The following FXYD7 variants were observed in gnomAD, a reference collection of about 807,000 sequenced individuals.
FXYD7 encodes the protein FXYD domain-containing ion transport regulator 7.
In FXYD7, 7 loss-of-function variants were observed where a neutral mutation model predicts 15.3. The observed-to-expected ratio is 0.46, with a 90% CI of 0.26 to 0.86. FXYD7 has a LOEUF of 0.86. Ranked by LOEUF, FXYD7 falls within the 40% of genes least tolerant of loss-of-function variation. The pLI is 0.16. For missense variants in FXYD7, 78 were observed against 100.6 expected (o/e 0.78, Z 0.96); for synonymous variants, 39 against 39.3 (o/e 0.99, Z 0.03).
chr19:35,145,721 AT>A (rs1368089191), intron 1 of FXYD7, among the ~76,000 whole-genome samples: 1 of 152,194 alleles, frequency 6.6e-6, no homozygotes, highest in East Asian at 1.9e-4. Flanking sequence ...TTTTTGCTTT[AT>A]TCAAATATTC....
chr19:35,154,210 C>A lies in FXYD7; in HGVS notation c.*294C>A. 2 of 531,738 alleles carry A rather than the reference C, an allele frequency of 3.8e-6. No homozygotes were observed. Among genetic ancestry groups the A allele is most frequent in the Non-Finnish European group, 6.7e-6 (2 of 300,222 alleles). The allele number at this position is 531,738 out of a possible 1,614,324, so 32.9% of individuals were successfully genotyped here. A position where few individuals can be genotyped will look rare whatever the true frequency, so the allele number is the denominator to read the frequency against. On this transcript the variant is annotated 3_prime_UTR_variant, in exon 6 of 6. Coordinates refer to ENST00000270310, the MANE Select transcript of FXYD7 (RefSeq NM_022006.2). The stretch of plus-strand genomic sequence containing the variant: ...AGCATCCCCGTGTATGGCCCCCCTG[C>A]ACCTCCTTGTCTCATCCCCGAAGAT...
chr19:35,148,790 G>T (rs1292834825), intron 2 of FXYD7, 67 bp downstream of exon 2: 1 of 1,392,094 alleles, frequency 7.2e-7, no homozygotes, highest in Non-Finnish European at 1.0e-6. Context: ...GATCACTCCG[G>T]ACATGGCTTC....
chr19:35,149,765 C>G (rs1442070248), intron 2 of FXYD7: 1 of 152,186 alleles, frequency 6.6e-6, no homozygotes, highest in Non-Finnish European at 1.5e-5. Context: ...GGGACAGATA[C>G]TCAAGAAAAC....
At chr19:35,148,008 G>A (rs939092691) in intron 1 of FXYD7, among the ~76,000 whole-genome samples, 1 of 126,902 alleles carries the variant, frequency 7.9e-6, no homozygotes, top group Admixed American at 8.7e-5. Flanking sequence ...AAGAAAGAAG[G>A]AAAGAAAGAA....
intron 2 of FXYD7, among the ~76,000 whole-genome samples, chr19:35,150,810 C>T (rs530517267): frequency 2.6e-5 from 4 of 151,896 alleles, no homozygotes; most frequent in Admixed American, 1.3e-4. Flanking sequence ...GGGCAATGGG[C>T]GGGAGGAGGG....
At chr19:35,149,346 T>C (rs531679726) in intron 2 of FXYD7, 14 of 322,864 alleles carry the variant, frequency 4.3e-5, no homozygotes, top group South Asian at 3.7e-4. Flanking sequence ...GCGTGTGCTA[T>C]GATTCTGCAG....
intron 2 of FXYD7, 99 bp from the exon 3 acceptor site, chr19:35,151,155 G>A (rs112917342): frequency 1.4e-4 from 113 of 805,428 alleles, no homozygotes; most frequent in African/African-American, 5.9e-4. Flanking sequence ...CTCCCTGGGC[G>A]ATTCTGGGTT....
intron 2 of FXYD7, 130 bp from the exon 3 acceptor site, chr19:35,151,124 G>C: frequency 1.4e-6 from 1 of 738,306 alleles, no homozygotes. Context: ...CCCTGAAGGA[G>C]TGTCCAGCAC....
chr19:35,147,992 CAAAA>C (rs946458407), intron 1 of FXYD7, among the ~76,000 whole-genome samples: 3 of 117,956 alleles, frequency 2.5e-5, no homozygotes, highest in African/African-American at 9.9e-5. Flanking sequence ...GGCCCTGTCT[CAAAA>C]AAAGAAAGAA....
intron 2 of FXYD7, 144 bp downstream of exon 2, chr19:35,148,867 T>A (rs2065299871): frequency 1.3e-6 from 1 of 794,204 alleles, no homozygotes. Flanking sequence ...GTGGTTCACA[T>A]CAGCTGAGTT....
rs954084904 is a variant in FXYD7 at position 35,153,033 on chromosome 19, C to CTTTTTTTTTTT, written c.221-842_221-832dup. Among the ~76,000 whole-genome samples, 31 of 44,140 alleles carry CTTTTTTTTTTT rather than the reference C, an allele frequency of 7.0e-4. 5 individuals carry two copies. Among genetic ancestry groups the CTTTTTTTTTTT allele is most frequent in the African/African-American group, 2.6e-3 (25 of 9,634 alleles). 29.0% of individuals were successfully genotyped at this position (44,140 alleles called of 152,430 possible). On this transcript the variant is annotated intron_variant, in intron 5 of 5. Transcript: ENST00000270310. ...TTGGTGTGGAATTTGTTTCACGTTC[C>CTTTTTTTTTTT]TTTTTTTTTTTTTTTTTTTTTTTTT...
chr19:35,148,650 A>C lies in FXYD7; in HGVS notation c.32-44A>C, dbSNP rs115502617. The C allele has an allele frequency of 2.9e-3, 4,324 of 1,489,198 alleles. 51 individuals carry two copies. In the African/African-American group the frequency reaches 0.032, roughly 11 times the overall value. 92.2% of individuals were successfully genotyped at this position (1,489,198 alleles called of 1,614,324 possible). On this transcript the variant is annotated intron_variant, in intron 1 of 5. Coordinates refer to ENST00000270310, the MANE Select transcript of FXYD7 (RefSeq NM_022006.2). ...AAAAAATATTAAGAAATACACTGTT[A>C]AGTTTTTTTTTTCTTTCTCTTTTTC... is the stretch of plus-strand genomic sequence containing the variant.
rs916652556 is a variant in FXYD7, at chr19:35,151,967, C to T, written c.220+294C>T. Among the ~76,000 whole-genome samples, 6 of 151,402 alleles carry T rather than the reference C, an allele frequency of 4.0e-5. No individual in the cohort carries two copies. The East Asian group carries it at 9.7e-4, about 24-fold the overall frequency. Reference sequence around the variant, plus strand: ...CAGCCCGGCCAACATGGTGAAACACCGTCTCTGCTAAAAATGCAAAAATTA... The same window carrying T: ...CAGCCCGGCCAACATGGTGAAACACTGTCTCTGCTAAAAATGCAAAAATTA... On this transcript the variant is annotated intron_variant, in intron 5 of 5. Transcript: ENST00000270310.
chr19:35,144,074 C>T (rs1474028188), intron 1 of FXYD7, among the ~76,000 whole-genome samples: 1 of 151,810 alleles, frequency 6.6e-6, no homozygotes, highest in Non-Finnish European at 1.5e-5. Flanking sequence ...AAATGAGAGC[C>T]TGGGAGATAG....
At chr19:35,146,101 G>A (rs917818906) in intron 1 of FXYD7, among the ~76,000 whole-genome samples, 4 of 151,884 alleles carry the variant, frequency 2.6e-5, no homozygotes, top group Non-Finnish European at 5.9e-5. Flanking sequence ...TGAAAACAAC[G>A]AGCTTTATTT....
At position 35,154,179 on chromosome 19, in the gene FXYD7, AC is replaced by A; in HGVS notation, c.*268del. The A allele has an allele frequency of 3.8e-6, 2 of 522,064 alleles. No homozygotes were observed. Among genetic ancestry groups the A allele is most frequent in the East Asian group, 3.4e-5 (1 of 29,424 alleles). The allele number at this position is 522,064 out of a possible 1,614,324, so 32.3% of individuals were successfully genotyped here. A position where few individuals can be genotyped will look rare whatever the true frequency, so the allele number is the denominator to read the frequency against. ...ATCCGGGAGTCCATCCCGGCCCAGCACCCCCAGCATCCCCGTGTATGGCCCC... is the reference window on the plus strand; with the variant it reads ...ATCCGGGAGTCCATCCCGGCCCAGCACCCCAGCATCCCCGTGTATGGCCCC... On this transcript the variant is annotated 3_prime_UTR_variant, in exon 6 of 6. Coordinates refer to ENST00000270310, the MANE Select transcript of FXYD7 (RefSeq NM_022006.2).
intron 1 of FXYD7, among the ~76,000 whole-genome samples, chr19:35,145,132 T>C (rs888745973): frequency 1.2e-4 from 18 of 151,966 alleles, no homozygotes; most frequent in Middle Eastern, 3.2e-3. Context: ...AGGGTCAAGA[T>C]TGAAACCTGC....
Position 35,143,870 on chromosome 19 carries a change from G to A in FXYD7, c.31+506G>A, listed in dbSNP as rs563341051. 9.2e-5 allele frequency among the ~76,000 whole-genome samples: 14 copies of A among 152,272 alleles called. No homozygotes were observed. In the South Asian group the frequency reaches 2.9e-3, roughly 32 times the overall value. ...CAGAGGAAAGGAGTGAGAGCTGAAG[G>A]AAGAGACAGAGAGAAGGGATATAGC... On this transcript the variant is annotated intron_variant, in intron 1 of 5. Transcript: ENST00000270310. The surrounding 1 kb of genome is among the most constrained non-coding windows in gnomAD (Gnocchi z 4.3).
chr19:35,149,931 T>C (rs2065303680), intron 2 of FXYD7, among the ~76,000 whole-genome samples: 1 of 152,098 alleles, frequency 6.6e-6, no homozygotes, highest in African/African-American at 2.4e-5. Context: ...TTTTTTTCTT[T>C]TTTTAGACAA....
Sources: allele counts gnomAD v4.1 joint callset (sites outside exome capture counted in the v4.1 genomes callset), GRCh38; gene constraint gnomAD v4.1.1; non-coding constraint Gnocchi (gnomAD v3.1); transcripts MANE v1.5; gene names NCBI Gene and HGNC (gene_info 2026-07-23, HGNC 2026-07-21).